The following LRP1B variants were observed in gnomAD, a reference collection of about 807,000 sequenced individuals.
LRP1B encodes LDL receptor related protein 1B.
LRP1B carries 217 observed loss-of-function variants against 556.6 expected under a neutral mutation model. The observed-to-expected ratio is 0.39, with a 90% confidence interval of 0.35 to 0.44. The LOEUF (loss-of-function observed/expected upper bound fraction) is 0.44. Ranked by LOEUF, LRP1B falls within the 20% of genes least tolerant of loss-of-function variation. LRP1B has a pLI of 1.00. For synonymous variants in LRP1B, 2,047 were observed against 1,865.8 expected (o/e 1.10, Z -2.50); for missense variants, 5,053 against 5,620.8 (o/e 0.90, Z 3.23).
At chr2:141,528,232 TTC>T (rs1684756230) in intron 2 of LRP1B, among the ~76,000 whole-genome samples, 1 of 151,676 alleles carries the variant, frequency 6.6e-6, no homozygotes, top group African/African-American at 2.4e-5. Flanking sequence ...ACCTATGGGG[TTC>T]TCTCATAACG....
chr2:142,033,887 A>G (rs1243210367), intron 1 of LRP1B, among the ~76,000 whole-genome samples: 2 of 151,828 alleles, frequency 1.3e-5, no homozygotes, highest in Non-Finnish European at 2.9e-5. Context: ...GCCAAAAGCT[A>G]CTGTTCAATA....
At chr2:141,255,886 C>G (rs1212519361) in intron 3 of LRP1B, among the ~76,000 whole-genome samples, 1 of 151,886 alleles carries the variant, frequency 6.6e-6, no homozygotes, top group Non-Finnish European at 1.5e-5. Flanking sequence ...CAGTGCTACA[C>G]TTTATGTTCA....
chr2:141,631,155 G>A (rs954350834), intron 2 of LRP1B, among the ~76,000 whole-genome samples: 2 of 152,128 alleles, frequency 1.3e-5, no homozygotes, highest in African/African-American at 2.4e-5. Context: ...ATGGGAGGAA[G>A]GAGAAATGCC....
chr2:140,608,275 A>G (rs1035060814), intron 41 of LRP1B, among the ~76,000 whole-genome samples: 13 of 152,182 alleles, frequency 8.5e-5, no homozygotes, highest in Non-Finnish European at 1.6e-4. Context: ...GTGAGAATAT[A>G]TAATGGAAAG....
In LRP1B at chr2:141,069,287, G is replaced by A. The variant is rs544556214; in HGVS notation, c.1014-7014C>T. ...TAATCTGAGAGCCAGGAGTTAACTC[G>A]GCAAGTAAGAAACCTGACACTGTGA... On this transcript the variant is annotated intron_variant, in intron 7 of 90. Transcript: ENST00000389484. Among the ~76,000 whole-genome samples the A allele has an allele frequency of 1.8e-3, 273 of 152,020 alleles. 2 individuals carry two copies. The highest frequency in any genetic ancestry group is 3.1e-3 in the Non-Finnish European group (214 of 67,968).
rs151082456 is a variant in LRP1B at position 141,679,824 on chromosome 2, G to T, written c.205+130455C>A. On this transcript the variant is annotated intron_variant, in intron 2 of 90. Transcript: ENST00000389484. The stretch of plus-strand genomic sequence containing the variant: ...ATACTAATACTTTGATATAATTTAT[G>T]TAGACATAATAAAAGATATAAATTA... 4.8e-3 allele frequency among the ~76,000 whole-genome samples: 729 copies of T among 151,752 alleles called. 8 individuals carry two copies. Among genetic ancestry groups the T allele is most frequent in the African/African-American group, 0.017 (690 of 41,436 alleles).
chr2:140,319,590 CAA>C lies in LRP1B; in HGVS notation c.12640+2371_12640+2372del, dbSNP rs528607251. On this transcript the variant is annotated intron_variant, in intron 82 of 90. Coordinates refer to ENST00000389484, the MANE Select transcript of LRP1B (RefSeq NM_018557.3). ...TAAATGATGAGAATGCATGGATACA[CAA>C]GAGAAACAACACACACTGCGGCCTT... Among the ~76,000 whole-genome samples, 89 of 152,152 alleles carry C rather than the reference CAA, an allele frequency of 5.8e-4. 2 individuals carry two copies. Among genetic ancestry groups the C allele is most frequent in the African/African-American group, 2.1e-3 (88 of 41,536 alleles).
intron 3 of LRP1B, among the ~76,000 whole-genome samples, chr2:141,439,239 T>C (rs555131779): frequency 3.3e-5 from 5 of 152,158 alleles, no homozygotes; most frequent in African/African-American, 4.8e-5. Flanking sequence ...ACATATTAAA[T>C]GTGAGAAGTT....
intron 89 of LRP1B, among the ~76,000 whole-genome samples, chr2:140,237,944 T>C (rs530837060): frequency 2.5e-4 from 38 of 150,912 alleles, no homozygotes; most frequent in African/African-American, 8.7e-4. Flanking sequence ...TAAATATGTG[T>C]TTTCTAAGAT....
chr2:140,865,245 G>GAGGT, intron 27 of LRP1B, among the ~76,000 whole-genome samples: 1 of 152,096 alleles, frequency 6.6e-6, no homozygotes, highest in Non-Finnish European at 1.5e-5. Flanking sequence ...AACTGGTGCT[G>GAGGT]AAACTTTTAT....
chr2:140,909,704 T>G (rs1348661604), intron 21 of LRP1B, among the ~76,000 whole-genome samples: 2 of 150,926 alleles, frequency 1.3e-5, no homozygotes, highest in Non-Finnish European at 3.0e-5. Context: ...AAGAGTGTCA[T>G]TACACGTTGT....
intron 1 of LRP1B, among the ~76,000 whole-genome samples, chr2:141,895,507 G>A (rs1482499569): frequency 6.6e-6 from 1 of 152,074 alleles, no homozygotes; most frequent in Non-Finnish European, 1.5e-5. Flanking sequence ...TATGACTGTG[G>A]GTCAAATTCA....
At chr2:140,334,404 A>G in intron 79 of LRP1B, 49 bp downstream of exon 79, 1 of 1,148,024 alleles carries the variant, frequency 8.7e-7, no homozygotes, top group Admixed American at 1.7e-5. Flanking sequence ...GTTAACAGTA[A>G]TATACTTGTC....
chr2:140,367,215 T>G (rs1352360588), intron 71 of LRP1B, among the ~76,000 whole-genome samples: 1 of 151,738 alleles, frequency 6.6e-6, no homozygotes, highest in Non-Finnish European at 1.5e-5. Context: ...GAGTTGCCTT[T>G]TTAAAAACCT....
chr2:140,902,279 A>G (rs934941415), intron 23 of LRP1B, among the ~76,000 whole-genome samples: 1 of 152,102 alleles, frequency 6.6e-6, no homozygotes, highest in Admixed American at 6.6e-5. Context: ...TGTGCGGCAC[A>G]GTAACAAGTC....
chr2:140,691,646 CA>C (rs1044090130), intron 41 of LRP1B, among the ~76,000 whole-genome samples: 2 of 151,938 alleles, frequency 1.3e-5, no homozygotes, highest in Non-Finnish European at 2.9e-5. Flanking sequence ...GGAGATTAAA[CA>C]AAAGTCAATG....
chr2:141,203,790 T>C (rs1221519263), intron 6 of LRP1B, among the ~76,000 whole-genome samples: 1 of 152,104 alleles, frequency 6.6e-6, no homozygotes, highest in Admixed American at 6.5e-5. Flanking sequence ...AGTAACACAC[T>C]CCTCAGCAAA....
chr2:140,457,763 T>C, intron 60 of LRP1B, 112 bp from the exon 61 acceptor site: 2 of 846,332 alleles, frequency 2.4e-6, no homozygotes, highest in Non-Finnish European at 3.7e-6. Context: ...GTGTGAATAA[T>C]TGCTGTGACA....
rs370866335 is a variant in LRP1B at position 141,183,589 on chromosome 2, G to A, written c.1013+4832C>T. ...ACAACACACTTTTCCCTTATTATTG[G>A]CATGAGGTGATGGGTTCACAAATAA... On this transcript the variant is annotated intron_variant, in intron 7 of 90. Coordinates refer to ENST00000389484, the MANE Select transcript of LRP1B (RefSeq NM_018557.3). Among the ~76,000 whole-genome samples, 13 of 152,112 alleles carry A rather than the reference G, an allele frequency of 8.5e-5. 1 individual carries two copies. The East Asian group carries it at 2.5e-3, about 30-fold the overall frequency.
Sources: allele counts gnomAD v4.1 joint callset (sites outside exome capture counted in the v4.1 genomes callset), GRCh38; gene constraint gnomAD v4.1.1; transcripts MANE v1.5; gene names NCBI Gene and HGNC (gene_info 2026-07-23, HGNC 2026-07-21).